Variants in IQGAP2 observed in about 807,000 individuals in gnomAD.
IQGAP2 encodes ras GTPase-activating-like protein IQGAP2.
A neutral mutation model predicts 201.3 loss-of-function variants in IQGAP2; 173 were observed. The observed-to-expected ratio is 0.86, with a 90% confidence interval of 0.76 to 0.98. IQGAP2 has a LOEUF of 0.98. Ranked by LOEUF, IQGAP2 falls within the 50% of genes least tolerant of loss-of-function variation. The probability of loss-of-function intolerance (pLI) is 0.00; values close to 1 mark genes in which losing one functional copy is unlikely to be tolerated. For synonymous variants in IQGAP2, 675 were observed against 673.9 expected (o/e 1.00, Z -0.03); for missense variants, 1,687 against 1,864.8 (o/e 0.90, Z 1.76).
At chr5:76,436,796 G>C (rs1210408188) in intron 1 of IQGAP2, among the ~76,000 whole-genome samples, 1 of 151,006 alleles carries the variant, frequency 6.6e-6, no homozygotes, top group Non-Finnish European at 1.5e-5. Flanking sequence ...CCAAAGTGTT[G>C]GGATTACAGG....
chr5:76,512,165 T>C (rs911432959), intron 2 of IQGAP2, among the ~76,000 whole-genome samples: 16 of 152,164 alleles, frequency 1.1e-4, no homozygotes, highest in African/African-American at 3.6e-4. Context: ...ACAAACTATT[T>C]GAAGACAGAA....
intron 1 of IQGAP2, among the ~76,000 whole-genome samples, chr5:76,459,000 G>T (rs1417533260): frequency 6.6e-6 from 1 of 152,176 alleles, no homozygotes; most frequent in Non-Finnish European, 1.5e-5. Context: ...GGCATTTTGA[G>T]CTGAGACAAT....
intron 1 of IQGAP2, among the ~76,000 whole-genome samples, chr5:76,436,832 G>A (rs557443218): frequency 1.8e-4 from 27 of 150,888 alleles, no homozygotes; most frequent in Middle Eastern, 3.4e-3. Flanking sequence ...CTGGCCAATC[G>A]TATGGTTTTG....
At chr5:76,537,685 C>T (rs1759707004) in intron 2 of IQGAP2, among the ~76,000 whole-genome samples, 1 of 152,162 alleles carries the variant, frequency 6.6e-6, no homozygotes, top group African/African-American at 2.4e-5. Context: ...TTTTAGACTA[C>T]TTGTGAGCAG....
rs572004970 is a variant in IQGAP2 at position 76,646,152 on chromosome 5, C to T, written c.2094+5049C>T. ...GGAACTGTTAAGATCCATCACAACA[C>T]ATGTTTTACTGGTTGGACTGCCATG... On this transcript the variant is annotated intron_variant, in intron 17 of 35. Coordinates refer to ENST00000274364, the MANE Select transcript of IQGAP2 (RefSeq NM_006633.5). 1.9e-4 allele frequency among the ~76,000 whole-genome samples: 29 copies of T among 152,258 alleles called. No homozygotes were observed. In the South Asian group the frequency reaches 2.5e-3, roughly 13 times the overall value.
At chr5:76,420,713 C>T (rs948713961) in intron 1 of IQGAP2, among the ~76,000 whole-genome samples, 3 of 152,126 alleles carry the variant, frequency 2.0e-5, no homozygotes, top group South Asian at 2.1e-4. Flanking sequence ...AAACTCCATA[C>T]ACATTAAATA....
intron 28 of IQGAP2, among the ~76,000 whole-genome samples, chr5:76,681,622 G>A (rs960343971): frequency 2.6e-5 from 4 of 151,930 alleles, no homozygotes; most frequent in South Asian, 2.1e-4. Context: ...AAATGGTGCA[G>A]CTGCTATGGA....
intron 9 of IQGAP2, among the ~76,000 whole-genome samples, chr5:76,594,314 GA>G (rs1746862761): frequency 6.6e-6 from 1 of 152,092 alleles, no homozygotes; most frequent in Non-Finnish European, 1.5e-5. Flanking sequence ...CTTTATTTTT[GA>G]AATATTTATA....
At chr5:76,703,376 A>T (rs1747590529) in intron 35 of IQGAP2, among the ~76,000 whole-genome samples, 1 of 152,076 alleles carries the variant, frequency 6.6e-6, no homozygotes, top group Non-Finnish European at 1.5e-5. Context: ...GGCTTGTCTT[A>T]GACTACTGGG....
chr5:76,511,683 TTTG>T (rs1169776616), intron 2 of IQGAP2, among the ~76,000 whole-genome samples: 5 of 106,014 alleles, frequency 4.7e-5, no homozygotes, highest in African/African-American at 8.0e-5. Flanking sequence ...TTTGTTTTGT[TTTG>T]TTTTTTTTTT....
chr5:76,555,689 T>A (rs1057034135), intron 2 of IQGAP2, among the ~76,000 whole-genome samples: 1 of 152,150 alleles, frequency 6.6e-6, no homozygotes, highest in African/African-American at 2.4e-5. Flanking sequence ...CAACAGCTGC[T>A]GCTGCTTTTC....
At position 76,695,488 on chromosome 5, in the gene IQGAP2, C is replaced by T. The variant is rs777040445; in HGVS notation, c.4028C>T (p.Ala1343Val). Residue 1343 changes from alanine (A) to valine (V), a missense_variant, in exon 32 of 36, where the codon GCA (alanine) becomes GTA (valine). Coordinates refer to ENST00000274364, the MANE Select transcript of IQGAP2 (RefSeq NM_006633.5). ...CATGCCACGGACATGGTGAGCCGTGCAATGATAGATTCCAGGACTCCAGAA... is the reference window on the plus strand; with the variant it reads ...CATGCCACGGACATGGTGAGCCGTGTAATGATAGATTCCAGGACTCCAGAA... ...VDHATDMVSR[A>V]MIDSRTPEEM... 12 of 1,614,070 alleles carry T rather than the reference C, an allele frequency of 7.4e-6. No individual in the cohort carries two copies. Among genetic ancestry groups the T allele is most frequent in the South Asian group, 1.1e-5 (1 of 91,066 alleles).
chr5:76,670,240 G>A (rs921231126), intron 23 of IQGAP2, among the ~76,000 whole-genome samples: 3 of 152,190 alleles, frequency 2.0e-5, no homozygotes, highest in Admixed American at 6.5e-5. Flanking sequence ...GGCCGGGCAC[G>A]GTGGCTCACG....
At chr5:76,437,281 G>T (rs1182570005) in intron 1 of IQGAP2, among the ~76,000 whole-genome samples, 2 of 151,980 alleles carry the variant, frequency 1.3e-5, no homozygotes, top group East Asian at 3.9e-4. Flanking sequence ...TCAAACTCCT[G>T]AGCTCAGGCA....
At chr5:76,651,883 C>A (rs1348415527) in intron 17 of IQGAP2, among the ~76,000 whole-genome samples, 1 of 151,980 alleles carries the variant, frequency 6.6e-6, no homozygotes. Flanking sequence ...AACAAAATTT[C>A]ATTTACCCTT....
At chr5:76,424,232 TTTA>T (rs1751878582) in intron 1 of IQGAP2, among the ~76,000 whole-genome samples, 2 of 152,340 alleles carry the variant, frequency 1.3e-5, no homozygotes, top group South Asian at 4.1e-4. Context: ...CTTGTCTACT[TTTA>T]TTTTCCCTTT....
chr5:76,447,810 C>T (rs1034742629), intron 1 of IQGAP2, among the ~76,000 whole-genome samples: 1 of 152,152 alleles, frequency 6.6e-6, no homozygotes, highest in African/African-American at 2.4e-5. Flanking sequence ...GTGGGAACCC[C>T]TTCTATTTTA....
chr5:76,406,333 A>G (rs1333068593), intron 1 of IQGAP2, among the ~76,000 whole-genome samples: 2 of 152,208 alleles, frequency 1.3e-5, no homozygotes, highest in African/African-American at 4.8e-5. Context: ...TTTTCTATTT[A>G]ATTTCCACTG....
rs531091340 is a variant in IQGAP2, at chr5:76,636,047, GA to G, written c.1781-986del. ...GCATTGACAAACAGAAAGAACAGGT[GA>G]GGGGCATTTAAAGCCAAATGAAGCA... On this transcript the variant is annotated intron_variant, in intron 15 of 35. Coordinates refer to ENST00000274364, the MANE Select transcript of IQGAP2 (RefSeq NM_006633.5). Among the ~76,000 whole-genome samples the G allele has an allele frequency of 9.2e-5, 14 of 152,314 alleles. No individual in the cohort carries two copies. The South Asian group carries it at 2.9e-3, about 32-fold the overall frequency.
Sources: gnomAD v4.1 joint callset for allele counts (sites outside exome capture counted in the v4.1 genomes callset) on GRCh38, gnomAD v4.1.1 for gene constraint, MANE v1.5 for transcripts, NCBI Gene and HGNC (gene_info 2026-07-23, HGNC 2026-07-21) for gene names.